DUSP16: variants seen among roughly 807,000 people sequenced by gnomAD.
DUSP16 encodes dual specificity protein phosphatase 16.
DUSP16 carries 21 observed loss-of-function variants against 58.3 expected under a neutral mutation model. The ratio of observed to expected loss-of-function variants is 0.36; its 90% CI spans 0.26 to 0.52. The LOEUF (loss-of-function observed/expected upper bound fraction) is 0.52, where lower values mean the gene tolerates loss of function less well. DUSP16 is among the 20% of genes least tolerant of loss of function. The pLI, the probability that DUSP16 is intolerant of heterozygous loss-of-function variation, is 0.94. For missense variants in DUSP16, 726 were observed against 819.0 expected, an observed-to-expected ratio of 0.89 and a Z score of 1.39; for synonymous variants, 320 against 323.8, an observed-to-expected ratio of 0.99 and a Z score of 0.12.
intron 1 of DUSP16, chr12:12,560,620 T>C (rs756246632): frequency 7.9e-5 from 12 of 152,218 alleles, no homozygotes; most frequent in Non-Finnish European, 1.6e-4. Context: ...GCTTTTCATT[T>C]TACTTCTCCA....
At chr12:12,549,983 AC>A (rs1566055520) in intron 1 of DUSP16, among the ~76,000 whole-genome samples, 1 of 152,170 alleles carries the variant, frequency 6.6e-6, no homozygotes, top group African/African-American at 2.4e-5. Context: ...TGGACATGTT[AC>A]TTTATTGATT....
At chr12:12,478,055 C>T in intron 6 of DUSP16, 40 bp from the exon 7 acceptor site, 2 of 1,438,832 alleles carry the variant, frequency 1.4e-6, no homozygotes, top group Non-Finnish European at 1.9e-6. Context: ...AATTTTACAA[C>T]TACACTTTAT....
rs904544875 is a variant in DUSP16 at position 12,562,342 on chromosome 12, A to T, written c.-591T>A. 6.6e-6 allele frequency: 1 copy of T among 151,246 alleles called. No individual in the cohort carries two copies. 9.4% of individuals were successfully genotyped at this position (151,246 alleles called of 1,614,324 possible). On this transcript the variant is annotated 5_prime_UTR_variant, in exon 1 of 7. Transcript: ENST00000298573. ...GTGGGTTGGGGCGGGAGGCTTAGGA[A>T]GAGAGGAGACGCTCGCAACTTTTCT... is the stretch of plus-strand genomic sequence containing the variant.
chr12:12,529,628 C>A (rs1015823968), intron 1 of DUSP16, among the ~76,000 whole-genome samples: 1 of 152,128 alleles, frequency 6.6e-6, no homozygotes, highest in African/African-American at 2.4e-5. Flanking sequence ...TACAATAGAT[C>A]CTTGAACGTA....
At position 12,473,904 on chromosome 12, in the gene DUSP16, T is replaced by C. The variant is rs886199511; in HGVS notation, c.*2929A>G. ...CCATGTGTGTGTAGCTGGCCTTTTT[T>C]TTCCTACCATGTACTTGTGTGTTCT... On this transcript the variant is annotated 3_prime_UTR_variant, in exon 7 of 7. Transcript: ENST00000298573. Among the ~76,000 whole-genome samples, 11 of 152,250 alleles carry C rather than the reference T, an allele frequency of 7.2e-5. No homozygotes were observed. The highest frequency in any genetic ancestry group is 2.7e-4 in the African/African-American group (11 of 41,474).
chr12:12,517,519 C>G (rs1485382644), intron 3 of DUSP16, among the ~76,000 whole-genome samples: 1 of 152,194 alleles, frequency 6.6e-6, no homozygotes, highest in African/African-American at 2.4e-5. Flanking sequence ...AACAGTTTCC[C>G]AAGAATTGAT....
intron 1 of DUSP16, among the ~76,000 whole-genome samples, chr12:12,536,765 C>T (rs549155108): frequency 6.6e-6 from 1 of 151,282 alleles, no homozygotes; most frequent in Non-Finnish European, 1.5e-5. Flanking sequence ...AACGCCGATG[C>T]GGTGGCTCAC....
At chr12:12,512,908 A>G (rs1333765460) in intron 3 of DUSP16, among the ~76,000 whole-genome samples, 1 of 152,208 alleles carries the variant, frequency 6.6e-6, no homozygotes, top group Non-Finnish European at 1.5e-5. Flanking sequence ...TAGATAACAG[A>G]ATTTATGGTA....
intron 1 of DUSP16, among the ~76,000 whole-genome samples, chr12:12,534,534 A>T (rs1944439047): frequency 6.6e-6 from 1 of 152,138 alleles, no homozygotes; most frequent in African/African-American, 2.4e-5. Flanking sequence ...ATCTAACTGT[A>T]GTTTCTGGAC....
At chr12:12,540,347 A>C (rs1262863731) in intron 1 of DUSP16, among the ~76,000 whole-genome samples, 1 of 152,076 alleles carries the variant, frequency 6.6e-6, no homozygotes, top group Non-Finnish European at 1.5e-5. Flanking sequence ...ATAAAAATAT[A>C]AATTAAAAAA....
chr12:12,545,014 T>G (rs1944621275), intron 1 of DUSP16, among the ~76,000 whole-genome samples: 1 of 152,202 alleles, frequency 6.6e-6, no homozygotes, highest in African/African-American at 2.4e-5. Context: ...TTCAATAGTG[T>G]GAATCCTACA....
chr12:12,520,217 G>T (rs1267139547), intron 2 of DUSP16, among the ~76,000 whole-genome samples: 1 of 152,146 alleles, frequency 6.6e-6, no homozygotes, highest in Non-Finnish European at 1.5e-5. Context: ...GTGATCTCAC[G>T]ATTCCCTGGT....
At chr12:12,478,417 C>T (rs1943500450) in intron 6 of DUSP16, among the ~76,000 whole-genome samples, 1 of 151,972 alleles carries the variant, frequency 6.6e-6, no homozygotes, top group Non-Finnish European at 1.5e-5. Flanking sequence ...ACTGCAGCCT[C>T]GAATTCCTGG....
Position 12,477,307 on chromosome 12 carries a change from G to A in DUSP16, c.1524C>T (p.Ser508=), listed in dbSNP as rs749529713. 9.3e-6 allele frequency: 15 copies of A among 1,614,114 alleles called. No individual in the cohort carries two copies. Among genetic ancestry groups the A allele is most frequent in the East Asian group, 6.7e-5 (3 of 44,892 alleles). The change falls in exon 7 of 7, where the codon AGC becomes AGT. Residue 508 remains serine (S), a synonymous_variant. Coordinates refer to ENST00000298573, the MANE Select transcript of DUSP16 (RefSeq NM_030640.3). The surrounding 1 kb of genome is among the most constrained non-coding windows in gnomAD (Gnocchi z 4.1). The part of the protein sequence containing the change: ...SLLSPLHRSG[S]VEDNYHTSFL... ...AGCTGGTGTGGTAATTGTCCTCCAC[G>A]CTCCCACTTCGATGCAGTGGAGATA...
Position 12,477,449 on chromosome 12 carries a change from T to C in DUSP16, c.1382A>G (p.Asp461Gly), listed in dbSNP as rs1425628147. ...CTTGGGGATGCTGGCTTCCTCCTTA[T>C]CAGGACTGGTTTCGGGAGTCTGCTC... ...LSEQTPETSP[D>G]KEEASIPKKL... The change falls in exon 7 of 7, where the codon GAT becomes GGT. Residue 461 changes from aspartate to glycine, a missense_variant. Coordinates refer to ENST00000298573, the MANE Select transcript of DUSP16 (RefSeq NM_030640.3). The surrounding 1 kb of genome is among the most constrained non-coding windows in gnomAD (Gnocchi z 4.1). 4 of 1,603,620 alleles carry C rather than the reference T, an allele frequency of 2.5e-6. No homozygotes were observed. The highest frequency in any genetic ancestry group is 3.4e-6 in the Non-Finnish European group (4 of 1,174,560).
intron 3 of DUSP16, among the ~76,000 whole-genome samples, chr12:12,502,050 T>C (rs976511400): frequency 6.6e-6 from 1 of 152,154 alleles, no homozygotes; most frequent in African/African-American, 2.4e-5. Flanking sequence ...TAGAAGATAG[T>C]ACCTTTTTAA....
Position 12,500,632 on chromosome 12 carries a change from AT to A in DUSP16, c.417del (p.Lys139AsnfsTer4). On this transcript the variant is annotated frameshift_variant, in exon 4 of 7. Coordinates refer to ENST00000298573, the MANE Select transcript of DUSP16 (RefSeq NM_030640.3). LOFTEE classifies it high-confidence loss of function. ...GAAATGCAGGTAGGGACTAGAGTGG[AT>A]TTTCCTTCACAGAGGCCAGGGAAAC... ...SRCFPGLCEG[K>X]STLVPTCISQ... The A allele has an allele frequency of 6.2e-7, 1 of 1,607,994 alleles. No individual in the cohort carries two copies. Among genetic ancestry groups the A allele is most frequent in the South Asian group, 1.1e-5 (1 of 89,854 alleles).
Position 12,521,431 on chromosome 12 carries a change from C to T in DUSP16, c.-333G>A, listed in dbSNP as rs982842434. 1.6e-5 allele frequency: 19 copies of T among 1,158,182 alleles called. No homozygotes were observed. Among genetic ancestry groups the T allele is most frequent in the East Asian group, 1.1e-4 (2 of 18,462 alleles). The allele number at this position is 1,158,182 out of a possible 1,614,324, so 71.7% of individuals were successfully genotyped here. ...TTACATCATTCTTTACCTTTGCTCC[C>T]GCGCTCCAACAGCTTTACACTGGAC... On this transcript the variant is annotated 5_prime_UTR_variant, in exon 2 of 7. Coordinates refer to ENST00000298573, the MANE Select transcript of DUSP16 (RefSeq NM_030640.3).
In DUSP16 at chr12:12,521,146, A is replaced by C; in HGVS notation, c.-48T>G. ...CCACCTCCTTCTTTAATTTGCCACG[A>C]TGATGTAATGGTGGTGTGCTCAAAG... is the stretch of plus-strand genomic sequence containing the variant. On this transcript the variant is annotated 5_prime_UTR_variant, in exon 2 of 7. Transcript: ENST00000298573. The C allele has an allele frequency of 1.3e-6, 2 of 1,588,544 alleles. No individual in the cohort carries two copies. Among genetic ancestry groups the C allele is most frequent in the Non-Finnish European group, 1.7e-6 (2 of 1,167,198 alleles).
Sources: gnomAD v4.1 joint callset for allele counts (sites outside exome capture counted in the v4.1 genomes callset) on GRCh38, gnomAD v4.1.1 for gene constraint, Gnocchi (gnomAD v3.1) non-coding constraint, MANE v1.5 for transcripts, NCBI Gene and HGNC (gene_info 2026-07-23, HGNC 2026-07-21) for gene names.